Variants in USF2 observed in about 807,000 individuals in gnomAD.
The protein encoded by USF2 is upstream stimulatory factor 2.
A neutral mutation model predicts 46.9 loss-of-function variants in USF2; 16 were observed. The ratio of observed to expected loss-of-function variants is 0.34; its 90% CI spans 0.23 to 0.52. The LOEUF (loss-of-function observed/expected upper bound fraction) is 0.52. Among genes scored for constraint, USF2 ranks in the 20% least tolerant of loss-of-function variants. The pLI is 0.96. For synonymous variants in USF2, 239 were observed against 194.1 expected, an observed-to-expected ratio of 1.23 and a Z score of -1.92; for missense variants, 411 against 474.0, an observed-to-expected ratio of 0.87 and a Z score of 1.23.
At chr19:35,273,346 C>G (rs547287995) in intron 7 of USF2, among the ~76,000 whole-genome samples, 3 of 152,282 alleles carry the variant, frequency 2.0e-5, no homozygotes, top group African/African-American at 7.2e-5. Context: ...CTGCCTGTTT[C>G]CCTCTGTTCC....
At chr19:35,270,200 A>C in intron 4 of USF2, 197 bp downstream of exon 4, 3 of 883,632 alleles carry the variant, frequency 3.4e-6, no homozygotes, top group Non-Finnish European at 4.9e-6. Context: ...TTTTTCCCGC[A>C]AAATGGGAAT....
At position 35,270,715 on chromosome 19, in the gene USF2, C is replaced by T. The variant is rs1312826542; in HGVS notation, c.581-3C>T. 2 of 1,614,010 alleles carry T rather than the reference C, an allele frequency of 1.2e-6. No homozygotes were observed. Among genetic ancestry groups the T allele is most frequent in the South Asian group, 1.1e-5 (1 of 91,090 alleles). ...TGCCACTAACCCCCCACTCTCCCTG[C>T]AGGCCAGTTCTACGTCATGATGACG... is the stretch of plus-strand genomic sequence containing the variant. On this transcript the variant is annotated splice_polypyrimidine_tract_variant and splice_region_variant and intron_variant, in intron 5 of 9. Transcript: ENST00000222305.
intron 8 of USF2, 77 bp downstream of exon 8, chr19:35,278,869 G>A (rs751870453): frequency 1.2e-6 from 2 of 1,603,154 alleles, no homozygotes; most frequent in Non-Finnish European, 1.7e-6. Context: ...AACAGCCATG[G>A]GGCTCGGGAG....
chr19:35,270,569 G>T lies in USF2; in HGVS notation c.552G>T (p.Gln184His). The change falls in exon 5 of 10, where the codon CAG becomes CAT. Residue 184 changes from glutamine (Q) to histidine (H), a missense_variant. Transcript: ENST00000222305. ...GAGATACTACGGCTGTGTCCGTACA[G>T]ACCACAGACCAGAGCTTGCAGGCTG... ...SVGDTTAVSV[Q>H]TTDQSLQAGG... 6.2e-7 allele frequency: 1 copy of T among 1,614,016 alleles called. No homozygotes were observed. The highest frequency in any genetic ancestry group is 8.5e-7 in the Non-Finnish European group (1 of 1,179,906).
Position 35,269,926 on chromosome 19 carries a change from G to T in USF2, c.352G>T (p.Gly118Cys), listed in dbSNP as rs994925567. 4.4e-6 allele frequency: 6 copies of T among 1,364,502 alleles called. No homozygotes were observed. The highest frequency in any genetic ancestry group is 5.6e-6 in the Non-Finnish European group (6 of 1,067,176). The allele number at this position is 1,364,502 out of a possible 1,614,324, so 84.5% of individuals were successfully genotyped here. A position where few individuals can be genotyped will look rare whatever the true frequency, so the allele number is the denominator to read the frequency against. Reference sequence around the variant, plus strand: ...GGGGCAGCAGGCTGTGACCCAGGTGGGTGTGGACGGGGCAGCCCAGCGCCC... The same window carrying T: ...GGGGCAGCAGGCTGTGACCCAGGTGTGTGTGGACGGGGCAGCCCAGCGCCC... ...AGGQQAVTQV[G>C]VDGAAQRPGP... The change falls in exon 4 of 10, where the codon GGT (glycine) becomes TGT (cysteine). Residue 118 changes from glycine (G) to cysteine (C), a missense_variant. By Grantham distance (159) the Gly-to-Cys change is radical. This residue lies in a region of USF2 where 318 missense variants were observed against 322.4 expected (regional missense o/e 0.99). Coordinates refer to ENST00000222305, the MANE Select transcript of USF2 (RefSeq NM_003367.4).
intron 4 of USF2, 55 bp from the exon 5 acceptor site, chr19:35,270,392 A>T: frequency 6.3e-7 from 1 of 1,578,962 alleles, no homozygotes; most frequent in Non-Finnish European, 8.6e-7. Context: ...CAATGAGGGG[A>T]CGGGATGGAG....
In USF2 at chr19:35,279,359, GT is replaced by G. The variant is rs909947157; in HGVS notation, c.*110del. Reference sequence around the variant, plus strand: ...GGACACATGCCCCTCCCCCAGCTGCGTTTTTTTATAGTAGATTTTTAACAAA... The same window carrying G: ...GGACACATGCCCCTCCCCCAGCTGCGTTTTTTATAGTAGATTTTTAACAAA... On this transcript the variant is annotated 3_prime_UTR_variant, in exon 10 of 10. Transcript: ENST00000222305. 1.4e-5 allele frequency: 17 copies of G among 1,238,908 alleles called. No homozygotes were observed. The highest frequency in any genetic ancestry group is 1.7e-5 in the Non-Finnish European group (16 of 945,780). The allele number at this position is 1,238,908 out of a possible 1,614,324, so 76.7% of individuals were successfully genotyped here. A position where few individuals can be genotyped will look rare whatever the true frequency, so the allele number is the denominator to read the frequency against.
chr19:35,270,184 A>C, intron 4 of USF2, 181 bp downstream of exon 4: 1 of 956,042 alleles, frequency 1.0e-6, no homozygotes, highest in South Asian at 2.0e-5. Context: ...GTGCTCTTGG[A>C]ATTTTTTTTT....
chr19:35,270,440 TC>T lies in USF2; in HGVS notation c.430-3del. The T allele has an allele frequency of 6.2e-7, 1 of 1,610,946 alleles. No individual in the cohort carries two copies. The highest frequency in any genetic ancestry group is 1.1e-5 in the South Asian group (1 of 90,704). Reference sequence around the variant, plus strand: ...CTAAGGGTAGCCTCTGCCCTCCTACTCCCCAGGCTGTGATCCAAAATCCCTT... The same window carrying T: ...CTAAGGGTAGCCTCTGCCCTCCTACTCCCAGGCTGTGATCCAAAATCCCTT... On this transcript the variant is annotated splice_region_variant and splice_polypyrimidine_tract_variant and intron_variant, in intron 4 of 9. Transcript: ENST00000222305.
rs768343885 is a variant in USF2 at position 35,271,055 on chromosome 19, G to GC, written c.669-23dup. ...GGCAAACAGCTCTGCGATAATACAT[G>GC]CCCCCTTTTTTTTTCCTCCTCTTGT... On this transcript the variant is annotated intron_variant, in intron 6 of 9. Coordinates refer to ENST00000222305, the MANE Select transcript of USF2 (RefSeq NM_003367.4). The GC allele has an allele frequency of 3.4e-5, 55 of 1,613,208 alleles. No homozygotes were observed. In the Admixed American group the frequency reaches 3.5e-4, roughly 10 times the overall value.
At chr19:35,273,762 C>T (rs1393232060) in intron 7 of USF2, among the ~76,000 whole-genome samples, 1 of 152,154 alleles carries the variant, frequency 6.6e-6, no homozygotes, top group Non-Finnish European at 1.5e-5. Context: ...TGCTATGCTG[C>T]CCAGGCTCGT....
chr19:35,276,935 C>CG (rs930697949), intron 7 of USF2: 2 of 152,294 alleles, frequency 1.3e-5, no homozygotes, highest in African/African-American at 4.8e-5. Flanking sequence ...CATAGTAGGG[C>CG]GGGGAGTAGG....
In USF2 at chr19:35,269,678, C is replaced by T. The variant is rs775944588; in HGVS notation, c.207C>T (p.Arg69=). The change falls in exon 3 of 10, where the codon CGC becomes CGT. Residue 69 remains arginine (R), a synonymous_variant. Coordinates refer to ENST00000222305, the MANE Select transcript of USF2 (RefSeq NM_003367.4). The part of the protein sequence containing the change: ...FGDHNIQYQF[R]TETNGGQVTY... ...ACCACAACATCCAGTACCAGTTCCG[C>T]ACAGAGACAAATGGAGGACAGGTGA... 3.9e-6 allele frequency: 6 copies of T among 1,551,992 alleles called. No individual in the cohort carries two copies. The highest frequency in any genetic ancestry group is 2.3e-5 in the South Asian group (2 of 86,552).
At chr19:35,278,558 C>T in intron 7 of USF2, 140 bp from the exon 8 acceptor site, 1 of 844,040 alleles carries the variant, frequency 1.2e-6, no homozygotes, top group Non-Finnish European at 1.9e-6. Flanking sequence ...CAGGGTGCGG[C>T]CCCTCACTTC....
rs1275679716 is a variant in USF2, at chr19:35,279,497, C to T, written c.*241C>T. On this transcript the variant is annotated 3_prime_UTR_variant, in exon 10 of 10. Coordinates refer to ENST00000222305, the MANE Select transcript of USF2 (RefSeq NM_003367.4). ...TGTCTGTCGCCCTTCTCCCGGCCCT[C>T]ACTAAGCCCCGGCACTTCTAGTGGT... 2.0e-6 allele frequency: 1 copy of T among 490,888 alleles called. No homozygotes were observed. Among genetic ancestry groups the T allele is most frequent in the Non-Finnish European group, 3.5e-6 (1 of 284,808 alleles). 30.4% of individuals were successfully genotyped at this position (490,888 alleles called of 1,614,324 possible).
rs115204942 is a variant in USF2, at chr19:35,271,615, C to T, written c.727+474C>T. ...AGTTCTGCCTCTGGCTACCTAAGGC[C>T]GGAGCATCCTGCCCTTTCCAGAAAC... is the stretch of plus-strand genomic sequence containing the variant. On this transcript the variant is annotated intron_variant, in intron 7 of 9. Coordinates refer to ENST00000222305, the MANE Select transcript of USF2 (RefSeq NM_003367.4). Among the ~76,000 whole-genome samples the T allele has an allele frequency of 9.1e-3, 1,393 of 152,308 alleles. 21 individuals are homozygous for T. Among genetic ancestry groups the T allele is most frequent in the African/African-American group, 0.032 (1,331 of 41,550 alleles).
Position 35,269,903 on chromosome 19 carries a change from G to T in USF2, c.329G>T (p.Gly110Val), listed in dbSNP as rs1450662692. 2.2e-6 allele frequency: 3 copies of T among 1,388,362 alleles called. No homozygotes were observed. The highest frequency in any genetic ancestry group is 3.3e-5 in the South Asian group (2 of 59,770). The allele number at this position is 1,388,362 out of a possible 1,614,324, so 86.0% of individuals were successfully genotyped here. Reference sequence around the variant, plus strand: ...GTGTCCACCGCTGCCTTCGCGGGGGGGCAGCAGGCTGTGACCCAGGTGGGT... The same window carrying T: ...GTGTCCACCGCTGCCTTCGCGGGGGTGCAGCAGGCTGTGACCCAGGTGGGT... ...SVVSTAAFAG[G>V]QQAVTQVGVD... The change falls in exon 4 of 10, where the codon GGG becomes GTG. Residue 110 changes from glycine (G) to valine (V), a missense_variant. Gly to Val is a moderately radical substitution (Grantham distance 109). Coordinates refer to ENST00000222305, the MANE Select transcript of USF2 (RefSeq NM_003367.4).
intron 7 of USF2, chr19:35,278,048 TTGGGTCTTTCC>T (rs2066259183): frequency 6.6e-6 from 1 of 152,268 alleles, no homozygotes; most frequent in Admixed American, 6.5e-5. Flanking sequence ...AACATAGGAT[TTGGGTCTTTCC>T]TGGGTGAGCT....
chr19:35,274,402 T>G (rs978838969), intron 7 of USF2, among the ~76,000 whole-genome samples: 1 of 152,118 alleles, frequency 6.6e-6, no homozygotes, highest in African/African-American at 2.4e-5. Context: ...TTTCCCTCCT[T>G]CCCACCACTT....
Sources: gnomAD v4.1 joint callset for allele counts (sites outside exome capture counted in the v4.1 genomes callset) on GRCh38, gnomAD v4.1.1 for gene constraint, gnomAD v4.1.1 regional missense constraint, MANE v1.5 for transcripts, NCBI Gene and HGNC (gene_info 2026-07-23, HGNC 2026-07-21) for gene names.